Variants in CFAP47 observed in about 807,000 individuals in gnomAD.
The protein encoded by CFAP47 is cilia- and flagella-associated protein 47.
In CFAP47, 29 loss-of-function variants were observed where a neutral mutation model predicts 148.1. The ratio of observed to expected loss-of-function variants is 0.20; its 90% CI spans 0.15 to 0.27. CFAP47 has a LOEUF of 0.27. Ranked by LOEUF, CFAP47 falls within the 10% of genes least tolerant of loss-of-function variation. The pLI is 1.00. For missense variants in CFAP47, 1,872 were observed against 1,697.5 expected, an observed-to-expected ratio of 1.10 and a Z score of -1.81; for synonymous variants, 664 against 577.3, an observed-to-expected ratio of 1.15 and a Z score of -2.15.
intron 37 of CFAP47, among the ~76,000 whole-genome samples, 162 bp downstream of exon 37, chrX:36,149,385 C>T (rs972715337): frequency 2.7e-5 from 3 of 110,724 alleles, no homozygotes; most frequent in African/African-American, 9.8e-5. Context: ...AATTCCTCAC[C>T]AAAGTTGTTG....
intron 25 of CFAP47, among the ~76,000 whole-genome samples, chrX:36,042,406 C>G (rs1180518460): frequency 9.0e-6 from 1 of 111,145 alleles, no homozygotes; most frequent in Non-Finnish European, 1.9e-5. Flanking sequence ...TTCAAAGAAT[C>G]TACAAGGAGA....
intron 59 of CFAP47, among the ~76,000 whole-genome samples, chrX:36,350,422 A>G (rs1014013867): frequency 3.5e-4 from 39 of 111,353 alleles, no homozygotes; most frequent in African/African-American, 1.2e-3. Context: ...TAGATTTGTA[A>G]GATTCTCAGG....
intron 55 of CFAP47, 87 bp downstream of exon 55, chrX:36,306,963 A>G: frequency 4.9e-6 from 2 of 407,169 alleles, no homozygotes; most frequent in Non-Finnish European, 7.6e-6. Flanking sequence ...TCACTCAATT[A>G]TCATATTTTG....
At chrX:35,997,589 G>A (rs182989218) in intron 19 of CFAP47, among the ~76,000 whole-genome samples, 200 bp downstream of exon 19, 1 of 111,326 alleles carries the variant, frequency 9.0e-6, no homozygotes, top group African/African-American at 3.2e-5. Flanking sequence ...TTGAATGAAG[G>A]TTTAAGAATT....
chrX:36,104,635 G>T lies in CFAP47; in HGVS notation c.5264G>T (p.Trp1755Leu). ...YSDSERILLS[W>L]MNINYENTRH... ...GATTCTGAAAGAATTTTGCTTAGTT[G>T]GATGAACATAAATTATGAGAATACT... Residue 1755 changes from tryptophan to leucine, a missense_variant, in exon 33 of 64, where the codon TGG (tryptophan) becomes TTG (leucine). Physicochemically the swap from Trp to Leu is moderately conservative, Grantham distance 61. Coordinates refer to ENST00000378653, the MANE Select transcript of CFAP47 (RefSeq NM_001304548.2). 1 of 919,440 alleles carries T rather than the reference G, an allele frequency of 1.1e-6. No homozygotes were observed. Among genetic ancestry groups the T allele is most frequent in the Non-Finnish European group, 1.6e-6 (1 of 640,252 alleles). The allele number at this position is 919,440 out of a possible 1,213,427, so 75.8% of individuals were successfully genotyped here. A position where few individuals can be genotyped will look rare whatever the true frequency, so the allele number is the denominator to read the frequency against.
intron 45 of CFAP47, among the ~76,000 whole-genome samples, chrX:36,223,165 T>G (rs1247595058): frequency 1.8e-5 from 2 of 111,539 alleles, no homozygotes; most frequent in Non-Finnish European, 3.8e-5. Context: ...AAGCAGATAC[T>G]TCCATGCTTC....
At chrX:36,330,137 C>A (rs1036989511) in intron 57 of CFAP47, among the ~76,000 whole-genome samples, 1 of 111,677 alleles carries the variant, frequency 9.0e-6, no homozygotes, top group Admixed American at 9.5e-5. Flanking sequence ...TATAGTCACT[C>A]GCTTCCTTAT....
At chrX:36,336,169 T>C (rs781885805) in intron 57 of CFAP47, among the ~76,000 whole-genome samples, 1 of 106,909 alleles carries the variant, frequency 9.4e-6, no homozygotes, top group African/African-American at 3.4e-5. Flanking sequence ...ACCCAAAACC[T>C]AAACCCAACA....
intron 46 of CFAP47, among the ~76,000 whole-genome samples, chrX:36,233,773 T>G (rs1290396967): frequency 7.2e-5 from 8 of 111,200 alleles, no homozygotes; most frequent in Non-Finnish European, 1.1e-4. Context: ...TTTCCATGTT[T>G]AGCGCTTCCT....
intron 30 of CFAP47, among the ~76,000 whole-genome samples, chrX:36,097,678 T>A (rs1463811645): frequency 9.0e-6 from 1 of 111,197 alleles, no homozygotes; most frequent in Non-Finnish European, 1.9e-5. Context: ...TAGGATCATT[T>A]CTTAAAATTT....
In CFAP47 at chrX:36,049,479, T is replaced by TTC. The variant is rs199664407; in HGVS notation, c.4217+2425_4217+2426dup. Among the ~76,000 whole-genome samples the TTC allele has an allele frequency of 7.3e-3, 449 of 61,600 alleles. 3 individuals are homozygous for TTC. Among genetic ancestry groups the TTC allele is most frequent in the South Asian group, 0.02 (16 of 812 alleles). 53.5% of individuals were successfully genotyped at this position (61,600 alleles called of 115,157 possible). ...TTCTTTCTTACTCTTCTGCATGTAT[T>TTC]TCTCTCTCTCACACACACACACACA... On this transcript the variant is annotated intron_variant, in intron 26 of 63. Transcript: ENST00000378653.
chrX:36,092,633 T>A (rs1294787258), intron 30 of CFAP47, among the ~76,000 whole-genome samples: 1 of 109,860 alleles, frequency 9.1e-6, no homozygotes, highest in Admixed American at 9.7e-5. Context: ...TTTTTTTTAC[T>A]TTTTATTTTA....
At chrX:35,993,862 TTAA>T (rs1461882382) in intron 18 of CFAP47, among the ~76,000 whole-genome samples, 1 of 111,971 alleles carries the variant, frequency 8.9e-6, no homozygotes, top group Non-Finnish European at 1.9e-5. Flanking sequence ...CTAAAGAGTC[TTAA>T]TAATATGAAT....
At chrX:36,064,097 G>A (rs1937616495) in intron 26 of CFAP47, among the ~76,000 whole-genome samples, 1 of 111,970 alleles carries the variant, frequency 8.9e-6, no homozygotes, top group African/African-American at 3.2e-5. Flanking sequence ...ATTCTATGTG[G>A]TAGTGATGAT....
chrX:36,321,101 A>C (rs1248325426), intron 57 of CFAP47, among the ~76,000 whole-genome samples: 1 of 111,916 alleles, frequency 8.9e-6, no homozygotes, highest in Non-Finnish European at 1.9e-5. Context: ...AGCACTATTC[A>C]CAATAGCCCA....
intron 29 of CFAP47, among the ~76,000 whole-genome samples, chrX:36,084,157 T>G (rs760595216): frequency 4.4e-4 from 49 of 111,468 alleles, no homozygotes; most frequent in African/African-American, 1.5e-3. Flanking sequence ...TATTGTTCCA[T>G]GGCAAAATTA....
At chrX:36,107,524 A>G (rs924058462) in intron 33 of CFAP47, among the ~76,000 whole-genome samples, 8 of 112,753 alleles carry the variant, frequency 7.1e-5, no homozygotes, top group African/African-American at 2.6e-4. Flanking sequence ...AAAGAAGTTG[A>G]AAAGATGTTC....
At chrX:36,229,614 TTTATTA>T (rs782315776) in intron 46 of CFAP47, among the ~76,000 whole-genome samples, 1 of 111,054 alleles carries the variant, frequency 9.0e-6, no homozygotes, top group Non-Finnish European at 1.9e-5. Flanking sequence ...CTTTTTTTAT[TTTATTA>T]TTATTATACT....
At chrX:36,202,616 G>A (rs111967733) in intron 44 of CFAP47, among the ~76,000 whole-genome samples, 23,437 of 110,616 alleles carry the variant, frequency 0.21, 2,445 homozygotes, top group African/African-American at 0.39. Flanking sequence ...GGTGTCTCAC[G>A]CCTGTAATCC....
Sources: gnomAD v4.1 joint callset for allele counts (sites outside exome capture counted in the v4.1 genomes callset) on GRCh38, gnomAD v4.1.1 for gene constraint, MANE v1.5 for transcripts, NCBI Gene and HGNC (gene_info 2026-07-23, HGNC 2026-07-21) for gene names.